The following ANKRD31 variants were observed in gnomAD, a reference collection of about 807,000 sequenced individuals.
ANKRD31 encodes the protein ankyrin repeat domain 31, also known as ankyrin repeat domain-containing protein 31.
ANKRD31 carries 147 observed loss-of-function variants against 186.0 expected under a neutral mutation model. That is an observed-to-expected ratio of 0.79 (90% confidence interval 0.69 to 0.91). The LOEUF (loss-of-function observed/expected upper bound fraction) is 0.91, where lower values mean the gene tolerates loss of function less well. ANKRD31 is among the 40% of genes least tolerant of loss of function. The probability of loss-of-function intolerance (pLI) is 0.00; values close to 1 mark genes in which losing one functional copy is unlikely to be tolerated. For missense variants in ANKRD31, 1,986 were observed against 2,148.8 expected, an observed-to-expected ratio of 0.92 and a Z score of 1.50; for synonymous variants, 673 against 736.4, an observed-to-expected ratio of 0.91 and a Z score of 1.39.
At chr5:75,077,501 G>C (rs925393457) in intron 25 of ANKRD31, among the ~76,000 whole-genome samples, 2 of 152,134 alleles carry the variant, frequency 1.3e-5, no homozygotes, top group African/African-American at 4.8e-5. Flanking sequence ...CACTCTTTGG[G>C]GGGGGAATTA....
In ANKRD31 at chr5:75,104,972, T is replaced by C; in HGVS notation, c.4587A>G (p.Ser1529=). The C allele has an allele frequency of 6.5e-7, 1 of 1,537,190 alleles. No homozygotes were observed. The highest frequency in any genetic ancestry group is 8.7e-7 in the Non-Finnish European group (1 of 1,146,880). The change falls in exon 22 of 26, where the codon TCA becomes TCG. Residue 1529 remains serine (S), a synonymous_variant. Coordinates refer to ENST00000506364, the MANE Select transcript of ANKRD31 (RefSeq NM_001372053.1). The stretch of plus-strand genomic sequence containing the variant: ...TTCCAGAAACAGGAGAAAGTGAACC[T>C]GATTGGGGATGCTCTAAATTTTCCA... The part of the protein sequence containing the change: ...TSLENLEHPQ[S]GSLSPVSGSM...
chr5:75,105,297 A>C (rs758597543), intron 21 of ANKRD31, 79 bp from the exon 22 acceptor site: 6 of 1,333,596 alleles, frequency 4.5e-6, no homozygotes, highest in Non-Finnish European at 5.9e-6. Flanking sequence ...GGTTAAAGAT[A>C]CTTTGTCTCC....
intron 23 of ANKRD31, 38 bp from the exon 24 acceptor site, chr5:75,084,412 T>A: frequency 7.2e-7 from 1 of 1,381,298 alleles, no homozygotes. Context: ...AAATCATACA[T>A]TCTGTAAGAA....
intron 2 of ANKRD31, among the ~76,000 whole-genome samples, chr5:75,225,941 T>G (rs1197240543): frequency 6.6e-6 from 1 of 152,042 alleles, no homozygotes; most frequent in East Asian, 1.9e-4. Context: ...CTCTGAAGGG[T>G]GGGTTCCAGA....
rs1435934278 is a variant in ANKRD31 at position 75,146,991 on chromosome 5, TC to T, written c.2419del (p.Glu807ArgfsTer20). The stretch of plus-strand genomic sequence containing the variant: ...TAAATCCAGGTTCTGGATGTGTTTC[TC>T]TTTGGAAACTGAACAAGCCTCAGTA... ...SSTEACSVSK[E>X]KHIQNLDLSD... On this transcript the variant is annotated frameshift_variant, in exon 14 of 26. Transcript: ENST00000506364. LOFTEE classifies it high-confidence loss of function. The T allele has an allele frequency of 1.3e-5, 20 of 1,536,236 alleles. No homozygotes were observed. The highest frequency in any genetic ancestry group is 2.7e-5 in the African/African-American group (2 of 72,984).
intron 24 of ANKRD31, among the ~76,000 whole-genome samples, chr5:75,081,683 GCAGAGAGAGAGAGAGA>G (rs1433328147): frequency 2.0e-5 from 3 of 150,396 alleles, no homozygotes; most frequent in African/African-American, 4.9e-5. Context: ...TGGGGAGGAG[GCAGAGAGAGAGAGAGA>G]CAGAGAGAGA....
At chr5:75,111,111 G>GA (rs201531212) in intron 20 of ANKRD31, among the ~76,000 whole-genome samples, 2 of 150,582 alleles carry the variant, frequency 1.3e-5, no homozygotes, top group Non-Finnish European at 3.0e-5. Flanking sequence ...TGAAGACTAT[G>GA]AAAAAAATGC....
At chr5:75,101,022 C>T (rs142614279) in intron 22 of ANKRD31, among the ~76,000 whole-genome samples, 297 of 152,266 alleles carry the variant, frequency 2.0e-3, no homozygotes, top group Middle Eastern at 0.017. Flanking sequence ...CTAGCATCGA[C>T]GGTCTTTACA....
chr5:75,164,808 T>C (rs1019225139), intron 11 of ANKRD31, among the ~76,000 whole-genome samples: 1 of 152,270 alleles, frequency 6.6e-6, no homozygotes, highest in African/African-American at 2.4e-5. Flanking sequence ...TTCTGTATTT[T>C]CTTTGCTGAA....
chr5:75,166,652 G>A (rs1252903726), intron 11 of ANKRD31, among the ~76,000 whole-genome samples: 1 of 152,024 alleles, frequency 6.6e-6, no homozygotes, highest in Non-Finnish European at 1.5e-5. Context: ...TAAAAACTTT[G>A]TTAAAGTTTT....
intron 25 of ANKRD31, among the ~76,000 whole-genome samples, chr5:75,076,075 G>A (rs988359504): frequency 6.6e-6 from 1 of 152,088 alleles, no homozygotes; most frequent in Non-Finnish European, 1.5e-5. Context: ...TTATTCTAAT[G>A]AGATATTTTT....
intron 10 of ANKRD31, among the ~76,000 whole-genome samples, chr5:75,176,168 T>G (rs1753781430): frequency 6.6e-6 from 1 of 152,132 alleles, no homozygotes; most frequent in Non-Finnish European, 1.5e-5. Context: ...AACTGCAAGG[T>G]GGCAGTGAGG....
chr5:75,126,162 A>T (rs1749238782), intron 17 of ANKRD31, among the ~76,000 whole-genome samples: 1 of 152,180 alleles, frequency 6.6e-6, no homozygotes, highest in Admixed American at 6.5e-5. Flanking sequence ...TGTTGTGTAT[A>T]TCAACAGTTT....
At chr5:75,109,862 AG>A (rs2150067295) in intron 20 of ANKRD31, among the ~76,000 whole-genome samples, 2 of 152,152 alleles carry the variant, frequency 1.3e-5, no homozygotes, top group Admixed American at 1.3e-4. Flanking sequence ...GAAGACTGAG[AG>A]GGCACAGGGA....
At chr5:75,164,854 T>G (rs1752812603) in intron 11 of ANKRD31, among the ~76,000 whole-genome samples, 1 of 152,236 alleles carries the variant, frequency 6.6e-6, no homozygotes, top group African/African-American at 2.4e-5. Context: ...TTCTTTATGT[T>G]TTGCTTGTAT....
chr5:75,119,843 T>C (rs927111066), intron 17 of ANKRD31, among the ~76,000 whole-genome samples: 5 of 152,208 alleles, frequency 3.3e-5, no homozygotes, highest in African/African-American at 1.2e-4. Context: ...CTCTGATGAC[T>C]AGTGGTACTG....
At chr5:75,108,146 T>C (rs912587491) in intron 20 of ANKRD31, among the ~76,000 whole-genome samples, 11 of 151,892 alleles carry the variant, frequency 7.2e-5, no homozygotes, top group Non-Finnish European at 1.0e-4. Flanking sequence ...ATTTGTGTTA[T>C]ATATTTATTA....
chr5:75,125,052 C>G (rs1425712903), intron 17 of ANKRD31, among the ~76,000 whole-genome samples: 1 of 152,074 alleles, frequency 6.6e-6, no homozygotes, highest in East Asian at 1.9e-4. Context: ...CATCCTTGGC[C>G]AAGTTACTTA....
chr5:75,228,712 A>G (rs1489758440), intron 2 of ANKRD31, among the ~76,000 whole-genome samples: 4 of 152,102 alleles, frequency 2.6e-5, no homozygotes, highest in African/African-American at 9.7e-5. Context: ...ATATAATTTT[A>G]TATTTTAATA....
Sources: allele counts gnomAD v4.1 joint callset (sites outside exome capture counted in the v4.1 genomes callset), GRCh38; gene constraint gnomAD v4.1.1; transcripts MANE v1.5; gene names NCBI Gene and HGNC (gene_info 2026-07-23, HGNC 2026-07-21).